The following CNTN5 variants were observed in gnomAD, a reference collection of about 807,000 sequenced individuals.
CNTN5 encodes contactin-5.
In CNTN5, 77 loss-of-function variants were observed where a neutral mutation model predicts 129.1. That is an observed-to-expected ratio of 0.60 (90% CI 0.50 to 0.72). The LOEUF (loss-of-function observed/expected upper bound fraction) is 0.72. CNTN5 is among the 30% of genes least tolerant of loss of function. The pLI, the probability that CNTN5 is intolerant of heterozygous loss-of-function variation, is 0.00. For missense variants in CNTN5, 1,478 were observed against 1,328.8 expected, an observed-to-expected ratio of 1.11 and a Z score of -1.75; for synonymous variants, 509 against 465.6, an observed-to-expected ratio of 1.09 and a Z score of -1.20.
chr11:100,072,140 G>T (rs1943946196), intron 12 of CNTN5, among the ~76,000 whole-genome samples: 1 of 152,136 alleles, frequency 6.6e-6, no homozygotes, highest in Non-Finnish European at 1.5e-5. Context: ...TAACTTCCAA[G>T]GAAGAATGCC....
chr11:99,581,568 T>C (rs1376207244), intron 3 of CNTN5, among the ~76,000 whole-genome samples: 1 of 152,096 alleles, frequency 6.6e-6, no homozygotes, highest in East Asian at 1.9e-4. Context: ...GTTGAATTGA[T>C]CCCTTTACCG....
intron 1 of CNTN5, among the ~76,000 whole-genome samples, chr11:99,121,214 A>C (rs539900706): frequency 6.6e-6 from 1 of 150,430 alleles, no homozygotes; most frequent in South Asian, 2.1e-4. Context: ...GGCTCACTGC[A>C]ACCTCCACCT....
At chr11:99,347,657 C>T (rs1937990541) in intron 2 of CNTN5, among the ~76,000 whole-genome samples, 1 of 152,046 alleles carries the variant, frequency 6.6e-6, no homozygotes, top group Admixed American at 6.6e-5. Flanking sequence ...ATATGTGTAA[C>T]AAGGGTGCAC....
chr11:100,225,361 C>T (rs1207165373), intron 16 of CNTN5: 1 of 152,194 alleles, frequency 6.6e-6, no homozygotes, highest in Non-Finnish European at 1.5e-5. Flanking sequence ...TGAAACAGTA[C>T]ACCAAATTCT....
At chr11:99,799,946 T>C (rs1338374585) in intron 3 of CNTN5, among the ~76,000 whole-genome samples, 1 of 152,088 alleles carries the variant, frequency 6.6e-6, no homozygotes, top group Non-Finnish European at 1.5e-5. Flanking sequence ...CTGTTGAGGG[T>C]TTCCATTTCT....
At chr11:99,552,119 G>T (rs1160098684) in intron 2 of CNTN5, among the ~76,000 whole-genome samples, 1 of 151,690 alleles carries the variant, frequency 6.6e-6, no homozygotes, top group African/African-American at 2.4e-5. Context: ...TGTTGGCCAG[G>T]CTGGTCTCAA....
At chr11:100,149,403 A>T (rs1946969716) in intron 13 of CNTN5, among the ~76,000 whole-genome samples, 1 of 152,218 alleles carries the variant, frequency 6.6e-6, no homozygotes, top group Non-Finnish European at 1.5e-5. Context: ...ATTGAAGTAT[A>T]GCTCTTTGTG....
chr11:99,276,618 A>C (rs1161133387), intron 1 of CNTN5, among the ~76,000 whole-genome samples: 4 of 151,596 alleles, frequency 2.6e-5, no homozygotes, highest in Non-Finnish European at 5.9e-5. Flanking sequence ...ATGTCTTAGA[A>C]ATTTTAACTG....
chr11:99,908,060 T>G lies in CNTN5; in HGVS notation c.578-7994T>G, dbSNP rs75477398. ...TCATGAAGTTTTTAGCATCTAGAGA[T>G]GTAGTCCCAGTGTGAAAAACTATCT... On this transcript the variant is annotated intron_variant, in intron 6 of 24. Transcript: ENST00000524871. Among the ~76,000 whole-genome samples the G allele has an allele frequency of 2.2e-3, 337 of 152,126 alleles. 10 individuals are homozygous for G. The East Asian group carries it at 0.062, about 28-fold the overall frequency.
chr11:99,795,496 G>A (rs987311634), intron 3 of CNTN5, among the ~76,000 whole-genome samples: 2 of 151,950 alleles, frequency 1.3e-5, no homozygotes, highest in East Asian at 1.9e-4. Flanking sequence ...GGAGAACTCT[G>A]CCTTAGTGAG....
intron 16 of CNTN5, among the ~76,000 whole-genome samples, chr11:100,246,299 G>A (rs1342474713): frequency 1.3e-5 from 2 of 152,082 alleles, no homozygotes; most frequent in African/African-American, 2.4e-5. Flanking sequence ...TTTATAAAAT[G>A]CAAGGAAACT....
At chr11:99,551,534 G>T (rs1407338448) in intron 2 of CNTN5, among the ~76,000 whole-genome samples, 1 of 152,170 alleles carries the variant, frequency 6.6e-6, no homozygotes, top group African/African-American at 2.4e-5. Context: ...TCTAATAAAT[G>T]GTAGTTGTTA....
chr11:100,203,799 T>TACACACACACAC (rs59141425), intron 15 of CNTN5, among the ~76,000 whole-genome samples: 21,125 of 138,902 alleles, frequency 0.15, 2,103 homozygotes, highest in African/African-American at 0.26. Context: ...AATGTGCACG[T>TACACACACACAC]ACACACACAC....
intron 18 of CNTN5, among the ~76,000 whole-genome samples, chr11:100,291,365 C>A (rs541307379): frequency 6.6e-6 from 1 of 151,348 alleles, no homozygotes; most frequent in East Asian, 2.0e-4. Context: ...ACCCAAATGT[C>A]CAACAATGAT....
intron 21 of CNTN5, 145 bp downstream of exon 21, chr11:100,308,613 T>C: frequency 7.2e-7 from 1 of 1,393,058 alleles, no homozygotes; most frequent in Non-Finnish European, 9.3e-7. Context: ...AAATACTATT[T>C]TACTGGGATG....
At position 100,164,409 on chromosome 11, in the gene CNTN5, T is replaced by C. The variant is rs1364285489; in HGVS notation, c.1581-26717T>C. On this transcript the variant is annotated intron_variant, in intron 13 of 24. Transcript: ENST00000524871. ...TTATTAAAAGAGATAGCTATATCTT[T>C]CTTATTCTATATACCAATCCTCATA... 2.0e-5 allele frequency among the ~76,000 whole-genome samples: 3 copies of C among 151,910 alleles called. No individual in the cohort carries two copies. In the East Asian group the frequency reaches 5.9e-4, roughly 30 times the overall value.
intron 1 of CNTN5, among the ~76,000 whole-genome samples, chr11:99,035,525 TG>T (rs1381957721): frequency 8.0e-5 from 12 of 149,608 alleles, no homozygotes; most frequent in African/African-American, 2.4e-4. Flanking sequence ...CATTATGTAA[TG>T]GCCTTCTTTG....
intron 13 of CNTN5, among the ~76,000 whole-genome samples, chr11:100,182,026 A>G (rs977308146): frequency 5.3e-5 from 8 of 152,212 alleles, no homozygotes; most frequent in Middle Eastern, 3.4e-3. Context: ...GGAAGAGTAA[A>G]GTAAAAGGAC....
At chr11:99,972,111 A>T (rs1038067609) in intron 8 of CNTN5, among the ~76,000 whole-genome samples, 8 of 123,064 alleles carry the variant, frequency 6.5e-5, no homozygotes, top group Non-Finnish European at 1.4e-4. Flanking sequence ...AAAAAAAAAA[A>T]TTAGCCGGGC....
Sources: allele counts gnomAD v4.1 joint callset (sites outside exome capture counted in the v4.1 genomes callset), GRCh38; gene constraint gnomAD v4.1.1; transcripts MANE v1.5; gene names NCBI Gene and HGNC (gene_info 2026-07-23, HGNC 2026-07-21).